IHO1: variants seen among roughly 807,000 people sequenced by gnomAD.
IHO1 encodes the protein interactor of HORMAD1 protein 1.
In IHO1, 13 loss-of-function variants were observed where a neutral mutation model predicts 31.0. That is an observed-to-expected ratio of 0.42 (90% confidence interval 0.27 to 0.67). The LOEUF (loss-of-function observed/expected upper bound fraction) is 0.67. Among genes scored for constraint, IHO1 ranks in the 30% least tolerant of loss-of-function variants. The probability of loss-of-function intolerance (pLI) is 0.24; values close to 1 mark genes in which losing one functional copy is unlikely to be tolerated. For synonymous variants in IHO1, 221 were observed against 248.4 expected (o/e 0.89, Z 1.04); for missense variants, 599 against 687.5 (o/e 0.87, Z 1.44).
chr3:49,239,038 C>T (rs1190594103), intron 3 of IHO1, among the ~76,000 whole-genome samples: 1 of 152,192 alleles, frequency 6.6e-6, no homozygotes, highest in Non-Finnish European at 1.5e-5. Flanking sequence ...TCAGTGTGAT[C>T]TCAGCTCACT....
At chr3:49,252,264 T>C (rs1471310613) in intron 6 of IHO1, 1 of 156,248 alleles carries the variant, frequency 6.4e-6, no homozygotes, top group African/African-American at 2.4e-5. Context: ...CCATTAGTGT[T>C]TGTGAATTTA....
At chr3:49,228,442 A>G (rs1023211095) in intron 2 of IHO1, 11 of 376,974 alleles carry the variant, frequency 2.9e-5, no homozygotes, top group African/African-American at 2.3e-4. Flanking sequence ...CCCGGTATTT[A>G]GCCCCTGAAT....
intron 2 of IHO1, among the ~76,000 whole-genome samples, chr3:49,224,424 TA>T (rs979832216): frequency 1.3e-5 from 2 of 152,238 alleles, no homozygotes; most frequent in Admixed American, 1.3e-4. Context: ...AATAACTCCA[TA>T]ATTTCCTTGT....
chr3:49,200,356 T>C (rs987670691), intron 1 of IHO1, among the ~76,000 whole-genome samples: 2 of 151,026 alleles, frequency 1.3e-5, no homozygotes, highest in Non-Finnish European at 3.0e-5. Flanking sequence ...TCCCAGCTAC[T>C]TGGGAGGCTG....
chr3:49,192,093 C>T, the IHO1 span, among the ~76,000 whole-genome samples: 1 of 152,182 alleles, frequency 6.6e-6, no homozygotes, highest in Admixed American at 6.5e-5. Flanking sequence ...ATTTTAAATG[C>T]AGGCAAATCC....
intron 2 of IHO1, among the ~76,000 whole-genome samples, chr3:49,215,171 G>GC (rs2046273216): frequency 6.7e-6 from 1 of 150,002 alleles, no homozygotes; most frequent in Admixed American, 6.7e-5. Flanking sequence ...CTGCCTTAGC[G>GC]CCCCCAGTAG....
In IHO1 at chr3:49,200,567, AGTC is replaced by A; in HGVS notation, c.-16+995_-16+997del. On this transcript the variant is annotated intron_variant, in intron 1 of 7. Transcript: ENST00000452691. ...GTTGACGACGGTGGTCAGATGAGGT[AGTC>A]CATGCCAATCGGGGCGGTCCTCTCC... 3 of 978,178 alleles carry A rather than the reference AGTC, an allele frequency of 3.1e-6. 1 individual carries two copies. The highest frequency in any genetic ancestry group is 1.2e-4 in the Admixed American group (2 of 16,012). 60.6% of individuals were successfully genotyped at this position (978,178 alleles called of 1,614,324 possible).
chr3:49,211,360 T>C (rs891443981), intron 1 of IHO1, among the ~76,000 whole-genome samples: 1 of 152,226 alleles, frequency 6.6e-6, no homozygotes, highest in Non-Finnish European at 1.5e-5. Context: ...GTTTTCCTCA[T>C]ATAGATATTG....
chr3:49,239,115 G>A (rs2046594976), intron 3 of IHO1, among the ~76,000 whole-genome samples: 1 of 152,064 alleles, frequency 6.6e-6, no homozygotes, highest in African/African-American at 2.4e-5. Flanking sequence ...GGGATTATAG[G>A]CGCCTGCCCC....
the IHO1 span, chr3:49,191,952 G>A: frequency 1.6e-6 from 1 of 640,950 alleles, no homozygotes; most frequent in Non-Finnish European, 2.7e-6. Context: ...TGTCCTTGCT[G>A]CCCTAGTTCT....
At chr3:49,231,848 G>A (rs987799704) in intron 2 of IHO1, among the ~76,000 whole-genome samples, 4 of 152,228 alleles carry the variant, frequency 2.6e-5, no homozygotes, top group Non-Finnish European at 4.4e-5. Flanking sequence ...CTGGAAAGAA[G>A]CTAAAGCTAT....
At chr3:49,226,077 C>T (rs572434331) in intron 2 of IHO1, among the ~76,000 whole-genome samples, 11 of 152,258 alleles carry the variant, frequency 7.2e-5, no homozygotes, top group African/African-American at 2.6e-4. Flanking sequence ...TTAAAGTGTC[C>T]TTGCAAACCA....
chr3:49,239,129 GCC>G (rs902674624), intron 3 of IHO1, among the ~76,000 whole-genome samples: 3 of 151,982 alleles, frequency 2.0e-5, no homozygotes, highest in African/African-American at 7.3e-5. Flanking sequence ...CTGCCCCCAT[GCC>G]CAGCTAATTT....
intron 4 of IHO1, among the ~76,000 whole-genome samples, chr3:49,244,090 A>C (rs568907782): frequency 4.4e-4 from 67 of 151,902 alleles, no homozygotes; most frequent in African/African-American, 1.6e-3. Context: ...CAGTAGCTGG[A>C]ATTACAGGTG....
intron 6 of IHO1, among the ~76,000 whole-genome samples, chr3:49,247,959 T>TA (rs1388999899): frequency 1.3e-5 from 2 of 151,224 alleles, no homozygotes; most frequent in South Asian, 2.1e-4. Context: ...AACCCGTCTC[T>TA]ACTAAAAATA....
chr3:49,194,292 GTATATATATA>G (rs141683116), upstream of IHO1, among the ~76,000 whole-genome samples: 7 of 120,186 alleles, frequency 5.8e-5, no homozygotes, highest in Admixed American at 2.6e-4. Context: ...AGTACAAAGT[GTATATATATA>G]TATATATATA....
Position 49,257,209 on chromosome 3 carries a change from C to T in IHO1, c.1712C>T (p.Pro571Leu). The T allele has an allele frequency of 6.2e-7, 1 of 1,614,168 alleles. No individual in the cohort carries two copies. The highest frequency in any genetic ancestry group is 8.5e-7 in the Non-Finnish European group (1 of 1,180,016). The change falls in exon 8 of 8, where the codon CCT becomes CTT. Residue 571 changes from proline to leucine, a missense_variant. Pro to Leu is a moderately conservative substitution (Grantham distance 98). Coordinates refer to ENST00000452691, the MANE Select transcript of IHO1 (RefSeq NM_001135197.2). ...CTCAATCTCGGATGTTCAGAGACCC[C>T]TCTATGCAAGGAGGCAGGAAAGAAT... Reference protein sequence around the residue: ...SDLNLGCSETPLCKEAGKNLL... With the variant: ...SDLNLGCSETLLCKEAGKNLL...
intron 6 of IHO1, among the ~76,000 whole-genome samples, chr3:49,252,528 C>T (rs1273402085): frequency 6.6e-6 from 1 of 152,098 alleles, no homozygotes; most frequent in Non-Finnish European, 1.5e-5. Flanking sequence ...AAGCAATTCT[C>T]CCACCTCAGC....
intron 2 of IHO1, among the ~76,000 whole-genome samples, chr3:49,215,124 C>T (rs961646081): frequency 4.0e-5 from 6 of 151,434 alleles, no homozygotes; most frequent in African/African-American, 1.5e-4. Context: ...GATCTCGGCT[C>T]ACTGCAACCT....
Sources: gnomAD v4.1 joint callset for allele counts (sites outside exome capture counted in the v4.1 genomes callset) on GRCh38, gnomAD v4.1.1 for gene constraint, MANE v1.5 for transcripts, NCBI Gene and HGNC (gene_info 2026-07-23, HGNC 2026-07-21) for gene names.